GNAQ: variants seen among roughly 807,000 people sequenced by gnomAD.
GNAQ encodes guanine nucleotide-binding protein G(q) subunit alpha.
In GNAQ, 8 loss-of-function variants were observed where a neutral mutation model predicts 43.9. The observed-to-expected ratio is 0.18, with a 90% CI of 0.11 to 0.33. The LOEUF is 0.33. Ranked by LOEUF, GNAQ falls within the 10% of genes least tolerant of loss-of-function variation. The pLI, the probability that GNAQ is intolerant of heterozygous loss-of-function variation, is 1.00. For synonymous variants in GNAQ, 155 were observed against 170.7 expected (o/e 0.91, Z 0.71); for missense variants, 158 against 450.8 (o/e 0.35, Z 5.88).
At chr9:77,777,777 T>A (rs1587912098) in intron 5 of GNAQ, among the ~76,000 whole-genome samples, 1 of 151,978 alleles carries the variant, frequency 6.6e-6, no homozygotes, top group East Asian at 1.9e-4. Context: ...TACCATCTTA[T>A]AACCACTAGG....
intron 1 of GNAQ, among the ~76,000 whole-genome samples, chr9:77,924,682 C>T (rs1035207832): frequency 6.6e-6 from 1 of 152,160 alleles, no homozygotes; most frequent in Non-Finnish European, 1.5e-5. Flanking sequence ...CCCCTGGGCA[C>T]TGTCCACACA....
In GNAQ at chr9:77,717,744, AT is replaced by A. The variant is rs1825248221; in HGVS notation, c.*3578del. ...TAGTTAATCTACCAAAAAAAAAAAA[AT>A]ACAAGTTTTACGTGTTCTTCAGATT... On this transcript the variant is annotated 3_prime_UTR_variant, in exon 7 of 7. Transcript: ENST00000286548. 2 of 232,248 alleles carry A rather than the reference AT, an allele frequency of 8.6e-6. No homozygotes were observed. The highest frequency in any genetic ancestry group is 1.7e-5 in the Non-Finnish European group (2 of 117,596). The allele number at this position is 232,248 out of a possible 1,614,324, so 14.4% of individuals were successfully genotyped here.
chr9:77,804,509 C>A (rs1297792116), intron 3 of GNAQ, among the ~76,000 whole-genome samples: 3 of 152,072 alleles, frequency 2.0e-5, no homozygotes, highest in Non-Finnish European at 4.4e-5. Flanking sequence ...ACAGTAAGAC[C>A]CTGACTCTAA....
At chr9:77,830,627 C>A (rs969324199) in intron 2 of GNAQ, among the ~76,000 whole-genome samples, 1 of 152,148 alleles carries the variant, frequency 6.6e-6, no homozygotes, top group African/African-American at 2.4e-5. Flanking sequence ...GTTGTCATCA[C>A]AAGGGGCTGA....
At chr9:77,870,394 G>C (rs192034468) in intron 2 of GNAQ, among the ~76,000 whole-genome samples, 2 of 144,926 alleles carry the variant, frequency 1.4e-5, no homozygotes, top group Non-Finnish European at 3.0e-5. Flanking sequence ...GCAGTGGCGC[G>C]ATCTCAGCTC....
chr9:77,731,396 C>T (rs1328990262), intron 5 of GNAQ, among the ~76,000 whole-genome samples: 1 of 152,200 alleles, frequency 6.6e-6, no homozygotes, highest in East Asian at 1.9e-4. Context: ...TGCACTGGGG[C>T]TGCTCTGGAG....
intron 2 of GNAQ, among the ~76,000 whole-genome samples, chr9:77,848,296 C>T (rs867010322): frequency 3.9e-5 from 6 of 152,196 alleles, no homozygotes; most frequent in Admixed American, 1.3e-4. Context: ...CAGTGACAAG[C>T]TAAGTGACAA....
Position 77,719,607 on chromosome 9 carries a change from T to A in GNAQ, c.*1716A>T, listed in dbSNP as rs1405802491. On this transcript the variant is annotated 3_prime_UTR_variant, in exon 7 of 7. Coordinates refer to ENST00000286548, the MANE Select transcript of GNAQ (RefSeq NM_002072.5). ...AGTTTACACTAGTGCCAAATACCAC[T>A]GTAGTTAAAATGAGACCAGTATCAT... 4.3e-5 allele frequency: 10 copies of A among 232,724 alleles called. No individual in the cohort carries two copies. Among genetic ancestry groups the A allele is most frequent in the Non-Finnish European group, 7.6e-5 (9 of 117,802 alleles). The allele number at this position is 232,724 out of a possible 1,614,324, so 14.4% of individuals were successfully genotyped here.
chr9:77,858,871 T>C (rs1435123572), intron 2 of GNAQ, among the ~76,000 whole-genome samples: 3 of 152,108 alleles, frequency 2.0e-5, no homozygotes, highest in Admixed American at 1.3e-4. Flanking sequence ...TTCAAAGCAC[T>C]TGAGTTTTGT....
At chr9:78,004,228 G>A (rs1823678147) in intron 1 of GNAQ, among the ~76,000 whole-genome samples, 1 of 147,546 alleles carries the variant, frequency 6.8e-6, no homozygotes, top group African/African-American at 2.5e-5. Context: ...AGTTGGCTAT[G>A]ACTGAGCCAC....
At chr9:77,962,525 G>A (rs1401427028) in intron 1 of GNAQ, among the ~76,000 whole-genome samples, 1 of 152,030 alleles carries the variant, frequency 6.6e-6, no homozygotes, top group East Asian at 1.9e-4. Context: ...AATAAAAGAA[G>A]GGGAAAAGAT....
At chr9:77,847,742 G>C (rs1827610410) in intron 2 of GNAQ, among the ~76,000 whole-genome samples, 1 of 152,208 alleles carries the variant, frequency 6.6e-6, no homozygotes, top group Admixed American at 6.5e-5. Flanking sequence ...TCCCTATGTG[G>C]TTGTGCATTT....
intron 2 of GNAQ, among the ~76,000 whole-genome samples, chr9:77,855,354 T>TA (rs1202583776): frequency 6.6e-6 from 1 of 152,002 alleles, no homozygotes; most frequent in South Asian, 2.1e-4. Flanking sequence ...AAGTCCCTTG[T>TA]AAAAAATAAA....
chr9:77,753,967 G>GA (rs1313982548), intron 5 of GNAQ, among the ~76,000 whole-genome samples: 7 of 152,238 alleles, frequency 4.6e-5, no homozygotes, highest in African/African-American at 1.7e-4. Flanking sequence ...AAAGTTGAGG[G>GA]AAAAAACTTC....
intron 1 of GNAQ, among the ~76,000 whole-genome samples, chr9:78,012,807 A>G (rs959288143): frequency 2.0e-5 from 3 of 152,176 alleles, no homozygotes; most frequent in Admixed American, 2.0e-4. Context: ...AGGTTTAATT[A>G]TAATGATTCC....
At chr9:78,002,148 T>C (rs2118554301) in intron 1 of GNAQ, among the ~76,000 whole-genome samples, 1 of 152,310 alleles carries the variant, frequency 6.6e-6, no homozygotes. Flanking sequence ...CATAATATTA[T>C]TCAGTTAAGT....
At chr9:77,955,712 TCTA>T (rs1823033027) in intron 1 of GNAQ, among the ~76,000 whole-genome samples, 2 of 152,242 alleles carry the variant, frequency 1.3e-5, no homozygotes, top group African/African-American at 2.4e-5. Flanking sequence ...TATGAATTAA[TCTA>T]AACTCTTTTG....
chr9:77,927,085 T>C (rs767792957), intron 1 of GNAQ, among the ~76,000 whole-genome samples: 7 of 152,126 alleles, frequency 4.6e-5, no homozygotes, highest in Non-Finnish European at 1.0e-4. Flanking sequence ...TCACACAATC[T>C]GATGCTTCCA....
chr9:77,885,629 T>C (rs1037099213), intron 2 of GNAQ, among the ~76,000 whole-genome samples: 2 of 152,112 alleles, frequency 1.3e-5, no homozygotes, highest in Non-Finnish European at 2.9e-5. Flanking sequence ...GAGTTTGAAA[T>C]ACCAGGCCCC....
Sources: gnomAD v4.1 joint callset for allele counts (sites outside exome capture counted in the v4.1 genomes callset) on GRCh38, gnomAD v4.1.1 for gene constraint, MANE v1.5 for transcripts, NCBI Gene and HGNC (gene_info 2026-07-23, HGNC 2026-07-21) for gene names.